Variants in HNMT observed in about 807,000 individuals in gnomAD.
HNMT encodes the protein histamine N-methyltransferase.
Under a neutral mutation model 32.1 loss-of-function variants are expected in HNMT, and 30 were observed. That is an observed-to-expected ratio of 0.93 (90% CI 0.70 to 1.27). The LOEUF (loss-of-function observed/expected upper bound fraction) is 1.27. Among genes scored for constraint, HNMT ranks in the 50% most tolerant of loss-of-function variants. The pLI is 0.00. For missense variants in HNMT, 327 were observed against 346.0 expected (o/e 0.95, Z 0.43); for synonymous variants, 125 against 119.0 (o/e 1.05, Z -0.33).
Position 138,015,258 on chromosome 2 carries a change from A to C in HNMT, c.*1128A>C, listed in dbSNP as rs915337331. 2.0e-5 allele frequency: 3 copies of C among 152,186 alleles called. No individual in the cohort carries two copies. The highest frequency in any genetic ancestry group is 7.2e-5 in the African/African-American group (3 of 41,554). The allele number at this position is 152,186 out of a possible 1,614,324, so 9.4% of individuals were successfully genotyped here. On this transcript the variant is annotated 3_prime_UTR_variant, in exon 6 of 6. Coordinates refer to ENST00000280097, the MANE Select transcript of HNMT (RefSeq NM_006895.3). The stretch of plus-strand genomic sequence containing the variant: ...AGTACATTTAATAATTAATAAATAA[A>C]TATTTTAAGTATGTAAATAATTAGT...
intron 2 of HNMT, among the ~76,000 whole-genome samples, chr2:137,990,689 A>T (rs905711183): frequency 7.9e-5 from 12 of 152,184 alleles, no homozygotes; most frequent in African/African-American, 2.9e-4. Flanking sequence ...ATGGATATGT[A>T]TATATACCCA....
chr2:137,995,509 T>G (rs936161398), intron 2 of HNMT, among the ~76,000 whole-genome samples: 1 of 152,050 alleles, frequency 6.6e-6, no homozygotes, highest in African/African-American at 2.4e-5. Flanking sequence ...AGTTCTGAAA[T>G]TAAGGCAGTA....
intron 2 of HNMT, among the ~76,000 whole-genome samples, chr2:137,998,323 C>A (rs1158222763): frequency 1.3e-5 from 2 of 151,896 alleles, no homozygotes; most frequent in Non-Finnish European, 2.9e-5. Flanking sequence ...ATGAAATGTT[C>A]TTTTTTAAAA....
intron 2 of HNMT, chr2:137,981,310 C>T (rs1275351587): frequency 1.2e-6 from 2 of 1,613,440 alleles, no homozygotes; most frequent in East Asian, 4.5e-5. Flanking sequence ...GCATGAGGAT[C>T]CATGATGAGC....
intron 5 of HNMT, among the ~76,000 whole-genome samples, chr2:138,012,817 C>T (rs1365073910): frequency 6.6e-6 from 1 of 152,010 alleles, no homozygotes; most frequent in Non-Finnish European, 1.5e-5. Flanking sequence ...GTTGGCGAGC[C>T]CTGTTGGATC....
intron 1 of HNMT, among the ~76,000 whole-genome samples, chr2:137,964,874 C>T (rs1331614133): frequency 6.6e-6 from 1 of 152,094 alleles, no homozygotes; most frequent in African/African-American, 2.4e-5. Flanking sequence ...TAGAGATAAG[C>T]GTTAACCATT....
chr2:138,012,821 T>C (rs1448109482), intron 5 of HNMT, among the ~76,000 whole-genome samples: 4 of 152,102 alleles, frequency 2.6e-5, no homozygotes, highest in Admixed American at 6.6e-5. Context: ...GCGAGCCCTG[T>C]TGGATCTCGG....
chr2:138,013,415 G>A (rs2104994230), intron 5 of HNMT, among the ~76,000 whole-genome samples: 1 of 152,022 alleles, frequency 6.6e-6, no homozygotes, highest in South Asian at 2.1e-4. Context: ...CTGTATTCAG[G>A]TCCTTTGCAG....
At chr2:137,975,484 A>G (rs1233070808) in intron 2 of HNMT, among the ~76,000 whole-genome samples, 1 of 151,932 alleles carries the variant, frequency 6.6e-6, no homozygotes, top group Non-Finnish European at 1.5e-5. Context: ...CTCAAGTGTA[A>G]CTCTTCCTTT....
chr2:137,992,521 C>T (rs1680853686), intron 2 of HNMT, among the ~76,000 whole-genome samples: 1 of 152,194 alleles, frequency 6.6e-6, no homozygotes, highest in Non-Finnish European at 1.5e-5. Flanking sequence ...CCACCAACTC[C>T]AGTAACACCA....
intron 1 of HNMT, among the ~76,000 whole-genome samples, chr2:137,967,850 T>G (rs1680006135): frequency 6.6e-6 from 1 of 152,210 alleles, no homozygotes; most frequent in Non-Finnish European, 1.5e-5. Flanking sequence ...TACCTTCTTA[T>G]TCATTACAAA....
chr2:138,008,478 G>C (rs1681395311), intron 5 of HNMT, among the ~76,000 whole-genome samples: 1 of 151,944 alleles, frequency 6.6e-6, no homozygotes, highest in African/African-American at 2.4e-5. Flanking sequence ...ATGACAGAAT[G>C]ATTAATATTC....
intron 2 of HNMT, among the ~76,000 whole-genome samples, chr2:137,979,154 A>C (rs1168020094): frequency 6.8e-6 from 1 of 147,784 alleles, no homozygotes; most frequent in Non-Finnish European, 1.5e-5. Context: ...GTTATATAAG[A>C]CAAACTATAT....
rs1487579711 is a variant in HNMT, at chr2:138,013,908, C to T, written c.657C>T (p.Asp219=). Residue 219 remains aspartate (D), a synonymous_variant, in exon 6 of 6, where the codon GAC becomes GAT. Transcript: ENST00000280097. ...DNLGLKYECY[D]LLSTMDISDC... Reference sequence around the variant, plus strand: ...TAGGGCTTAAGTATGAGTGCTATGACCTTTTGTCCACCATGGATATATCTG... The same window carrying T: ...TAGGGCTTAAGTATGAGTGCTATGATCTTTTGTCCACCATGGATATATCTG... 4 of 1,613,640 alleles carry T rather than the reference C, an allele frequency of 2.5e-6. No homozygotes were observed. In the Admixed American group the frequency reaches 5.0e-5, roughly 20 times the overall value.
chr2:137,987,259 T>A (rs1408446761), intron 2 of HNMT, among the ~76,000 whole-genome samples: 2 of 152,060 alleles, frequency 1.3e-5, no homozygotes, highest in African/African-American at 4.8e-5. Flanking sequence ...TCATGAGAGG[T>A]CACATGTGGG....
At chr2:137,998,606 T>C (rs1681067063) in intron 2 of HNMT, among the ~76,000 whole-genome samples, 1 of 152,182 alleles carries the variant, frequency 6.6e-6, no homozygotes, top group African/African-American at 2.4e-5. Context: ...GAGGCTGTTA[T>C]GCAAACCAAT....
chr2:138,013,966 C>T lies in HNMT; in HGVS notation c.715C>T (p.Leu239=). Residue 239 remains leucine (L), a synonymous_variant, in exon 6 of 6, where the codon CTG becomes TTG. Transcript: ENST00000280097. ...TATTGATGGTAATGAAAATGGAGACCTGCTTTGGGATTTTTTGACTGAAAC... is the reference window on the plus strand; with the variant it reads ...TATTGATGGTAATGAAAATGGAGACTTGCTTTGGGATTTTTTGACTGAAAC... ...CFIDGNENGD[L]LWDFLTETCN... 6.2e-7 allele frequency: 1 copy of T among 1,613,700 alleles called. No individual in the cohort carries two copies. The highest frequency in any genetic ancestry group is 1.3e-5 in the African/African-American group (1 of 74,936).
chr2:138,001,448 A>G (rs1681169905), intron 3 of HNMT, among the ~76,000 whole-genome samples: 1 of 152,186 alleles, frequency 6.6e-6, no homozygotes. Flanking sequence ...TCAACCTGCC[A>G]TGTGCCACAA....
chr2:137,997,028 T>C (rs1468038248), intron 2 of HNMT, among the ~76,000 whole-genome samples: 2 of 152,154 alleles, frequency 1.3e-5, no homozygotes, highest in Admixed American at 1.3e-4. Context: ...TAACCCAAGA[T>C]GGATTAAAGA....
Sources: allele counts gnomAD v4.1 joint callset (sites outside exome capture counted in the v4.1 genomes callset), GRCh38; gene constraint gnomAD v4.1.1; transcripts MANE v1.5; gene names NCBI Gene and HGNC (gene_info 2026-07-23, HGNC 2026-07-21).